Variants in CC2D2B observed in about 807,000 individuals in gnomAD.
CC2D2B encodes the protein coiled-coil and C2 domain containing 2B, also known as protein CC2D2B.
Under a neutral mutation model 161.2 loss-of-function variants are expected in CC2D2B, and 128 were observed. That is an observed-to-expected ratio of 0.79 (90% CI 0.69 to 0.92). The LOEUF (loss-of-function observed/expected upper bound fraction) is 0.92, where lower values mean the gene tolerates loss of function less well. Among genes scored for constraint, CC2D2B ranks in the 40% least tolerant of loss-of-function variants. CC2D2B has a pLI of 0.00. For missense variants in CC2D2B, 1,173 were observed against 1,375.1 expected, an observed-to-expected ratio of 0.85 and a Z score of 2.32; for synonymous variants, 391 against 449.8, an observed-to-expected ratio of 0.87 and a Z score of 1.65.
At chr10:95,983,562 T>C (rs2077611463) in intron 18 of CC2D2B, 44 bp from the exon 19 acceptor site, 2 of 986,616 alleles carry the variant, frequency 2.0e-6, no homozygotes, top group African/African-American at 3.4e-5. Flanking sequence ...AATTCCTGAA[T>C]TAAAAAAAAT....
chr10:96,019,548 A>T, intron 31 of CC2D2B, 154 bp from the exon 32 acceptor site: 1 of 835,086 alleles, frequency 1.2e-6, no homozygotes, highest in South Asian at 1.9e-5. Flanking sequence ...ATGATCATGA[A>T]ACCCTAGAAT....
At chr10:96,029,274 A>ATATATGTATATC (rs2079943235) in intron 34 of CC2D2B, among the ~76,000 whole-genome samples, 2 of 65,246 alleles carry the variant, frequency 3.1e-5, no homozygotes, top group Admixed American at 1.7e-4. Flanking sequence ...ATATATATAT[A>ATATATGTATATC]TATATATATA....
At position 95,924,298 on chromosome 10, in the gene CC2D2B, G is replaced by A; in HGVS notation, c.98-16G>A. ...TAAAGTGTCATAAACTCTTTATTAT[G>A]TTGGTTTCCTGATAGATTTAGATGC... On this transcript the variant is annotated splice_polypyrimidine_tract_variant and intron_variant, in intron 3 of 34. Transcript: ENST00000646931. 1 of 1,390,334 alleles carries A rather than the reference G, an allele frequency of 7.2e-7. No individual in the cohort carries two copies. The highest frequency in any genetic ancestry group is 2.6e-5 in the East Asian group (1 of 38,436). 86.1% of individuals were successfully genotyped at this position (1,390,334 alleles called of 1,614,324 possible).
rs2098528683 is a variant in CC2D2B, at chr10:95,922,154, G to T, written c.97+78G>T. 9.4e-6 allele frequency: 7 copies of T among 746,866 alleles called. No individual in the cohort carries two copies. The South Asian group carries it at 1.6e-4, about 17-fold the overall frequency. The allele number at this position is 746,866 out of a possible 1,614,324, so 46.3% of individuals were successfully genotyped here. On this transcript the variant is annotated intron_variant, in intron 3 of 34. Coordinates refer to ENST00000646931, the MANE Select transcript of CC2D2B (RefSeq NM_001349008.3). ...ATGTAAATGATTAATCCTGTGCCAG[G>T]GTTTCAGCTGGGAACACAAATTTCC...
intron 9 of CC2D2B, among the ~76,000 whole-genome samples, chr10:95,946,625 T>C (rs1240231702): frequency 6.6e-6 from 1 of 152,198 alleles, no homozygotes; most frequent in Non-Finnish European, 1.5e-5. Context: ...TTTTATGGGT[T>C]GGCTCTTACA....
intron 22 of CC2D2B, among the ~76,000 whole-genome samples, chr10:95,994,824 C>T (rs970694362): frequency 6.6e-6 from 1 of 152,180 alleles, no homozygotes; most frequent in African/African-American, 2.4e-5. Flanking sequence ...ATACTAATGA[C>T]TGATAATGTC....
Position 96,012,549 on chromosome 10 carries a change from G to C in CC2D2B, c.3246G>C (p.Glu1082Asp), listed in dbSNP as rs1225736671. The C allele has an allele frequency of 6.2e-7, 1 of 1,610,136 alleles. No individual in the cohort carries two copies. The highest frequency in any genetic ancestry group is 2.2e-5 in the East Asian group (1 of 44,774). ...PTLDKFLDQTEVLQRAQIFKK... is the reference protein window; with the variant it reads ...PTLDKFLDQTDVLQRAQIFKK... ...TATTGTAGTTTTTAGATCAAACAGA[G>C]GTCTTGCAGAGAGCACAGATTTTTA... is the stretch of plus-strand genomic sequence containing the variant. Residue 1082 changes from glutamate (E) to aspartate (D), a missense_variant, in exon 28 of 35, where the codon GAG becomes GAC. Coordinates refer to ENST00000646931, the MANE Select transcript of CC2D2B (RefSeq NM_001349008.3).
chr10:96,029,152 G>A (rs2079912803), intron 34 of CC2D2B, among the ~76,000 whole-genome samples: 1 of 149,468 alleles, frequency 6.7e-6, no homozygotes, highest in Admixed American at 6.7e-5. Flanking sequence ...AAGGATAAAT[G>A]CTTGGGGGGA....
At chr10:95,986,751 C>T (rs1361695689) in intron 19 of CC2D2B, among the ~76,000 whole-genome samples, 1 of 151,888 alleles carries the variant, frequency 6.6e-6, no homozygotes, top group African/African-American at 2.4e-5. Context: ...TGTGCGCTGT[C>T]ATGCCTGGCT....
chr10:95,969,973 G>A (rs1158558683), intron 15 of CC2D2B, among the ~76,000 whole-genome samples: 2 of 151,730 alleles, frequency 1.3e-5, no homozygotes, highest in African/African-American at 4.8e-5. Flanking sequence ...ATTAGCAAAT[G>A]CAAAAATTGC....
intron 19 of CC2D2B, among the ~76,000 whole-genome samples, chr10:95,986,278 T>C (rs2077718783): frequency 6.6e-6 from 1 of 151,628 alleles, no homozygotes; most frequent in Admixed American, 6.6e-5. Context: ...TTTTGTACTC[T>C]TTCCCTTTAT....
chr10:95,972,173 C>T lies in CC2D2B; in HGVS notation c.1752C>T (p.Ser584=), dbSNP rs2077158864. ...CCGCTTTGCAATATGTAGAGTTTAG[C>T]TCTGATAAGCTGGTCATGCCTGCCG... ...GKTALQYVEF[S]SDKLVMPADG... The change falls in exon 16 of 35, where the codon AGC becomes AGT. Residue 584 remains serine, a synonymous_variant. Coordinates refer to ENST00000646931, the MANE Select transcript of CC2D2B (RefSeq NM_001349008.3). 8.1e-7 allele frequency: 1 copy of T among 1,231,972 alleles called. No homozygotes were observed. Among genetic ancestry groups the T allele is most frequent in the Non-Finnish European group, 1.0e-6 (1 of 987,852 alleles). 76.3% of individuals were successfully genotyped at this position (1,231,972 alleles called of 1,614,324 possible).
intron 10 of CC2D2B, among the ~76,000 whole-genome samples, chr10:95,951,705 T>C (rs1376699562): frequency 6.6e-6 from 1 of 152,220 alleles, no homozygotes; most frequent in African/African-American, 2.4e-5. Context: ...CTTTAAAATC[T>C]GATTTAGCAA....
intron 4 of CC2D2B, 139 bp downstream of exon 4, chr10:95,924,529 C>CTA (rs77791639): frequency 0.23 from 130,367 of 556,786 alleles, 17,369 homozygotes; most frequent in Admixed American, 0.34. Context: ...CTCTCTCTCT[C>CTA]TATATATATA....
intron 5 of CC2D2B, 87 bp downstream of exon 5, chr10:95,924,931 A>G (rs1189518727): frequency 6.7e-6 from 5 of 741,046 alleles, no homozygotes; most frequent in African/African-American, 5.3e-5. Context: ...TTTAAAGTGT[A>G]TATGACTCAA....
At chr10:95,974,304 A>T (rs2077241903) in intron 17 of CC2D2B, 148 bp downstream of exon 17, 1 of 415,324 alleles carries the variant, frequency 2.4e-6, no homozygotes, top group Admixed American at 4.4e-5. Context: ...AAATCACTCT[A>T]CTAAGGCAGT....
intron 12 of CC2D2B, among the ~76,000 whole-genome samples, chr10:95,963,345 G>C (rs551356173): frequency 9.2e-5 from 14 of 152,126 alleles, no homozygotes; most frequent in African/African-American, 3.1e-4. Context: ...TTGTAGCTAG[G>C]CTTCCTGGAA....
At chr10:95,949,616 C>T (rs1258951813) in intron 9 of CC2D2B, among the ~76,000 whole-genome samples, 1 of 136,288 alleles carries the variant, frequency 7.3e-6, no homozygotes, top group Non-Finnish European at 1.5e-5. Context: ...ATGTAACTAA[C>T]CTGCACAATG....
At position 96,032,156 on chromosome 10, in the gene CC2D2B, T is replaced by C. The variant is rs565697697; in HGVS notation, c.*148T>C. 12 of 608,610 alleles carry C rather than the reference T, an allele frequency of 2.0e-5. No individual in the cohort carries two copies. Among genetic ancestry groups the C allele is most frequent in the African/African-American group, 9.2e-5 (5 of 54,142 alleles). The allele number at this position is 608,610 out of a possible 1,614,324, so 37.7% of individuals were successfully genotyped here. A position where few individuals can be genotyped will look rare whatever the true frequency, so the allele number is the denominator to read the frequency against. The stretch of plus-strand genomic sequence containing the variant: ...GATTCACTTACAGAGCTGGGCACTA[T>C]GGAGACTCGCACCCCTGAGTGAGTC... On this transcript the variant is annotated 3_prime_UTR_variant, in exon 35 of 35. Transcript: ENST00000646931.
Sources: allele counts gnomAD v4.1 joint callset (sites outside exome capture counted in the v4.1 genomes callset), GRCh38; gene constraint gnomAD v4.1.1; transcripts MANE v1.5; gene names NCBI Gene and HGNC (gene_info 2026-07-23, HGNC 2026-07-21).